The following TCF12 variants were observed in gnomAD, a reference collection of about 807,000 sequenced individuals.
TCF12 encodes the protein transcription factor 12.
Under a neutral mutation model 86.0 loss-of-function variants are expected in TCF12, and 45 were observed. The observed-to-expected ratio is 0.52, with a 90% CI of 0.41 to 0.67. TCF12 has a LOEUF of 0.67. TCF12 is among the 30% of genes least tolerant of loss of function. TCF12 has a pLI of 0.00. For synonymous variants in TCF12, 330 were observed against 299.6 expected (o/e 1.10, Z -1.05); for missense variants, 881 against 859.9 (o/e 1.02, Z -0.31).
chr15:57,205,540 G>A (rs1170536747), intron 8 of TCF12, among the ~76,000 whole-genome samples: 1 of 152,156 alleles, frequency 6.6e-6, no homozygotes. Context: ...GTTAGATGAG[G>A]TATCTCTATT....
At chr15:56,938,252 C>T (rs902681103) in intron 3 of TCF12, among the ~76,000 whole-genome samples, 1 of 151,776 alleles carries the variant, frequency 6.6e-6, no homozygotes, top group Non-Finnish European at 1.5e-5. Context: ...CCTCTGACTC[C>T]CTGGTTCAAG....
chr15:57,275,176 A>G (rs1230728615), intron 19 of TCF12, among the ~76,000 whole-genome samples: 2 of 152,184 alleles, frequency 1.3e-5, no homozygotes, highest in Non-Finnish European at 2.9e-5. Flanking sequence ...GACTGATGAG[A>G]GTTTGAACAG....
At chr15:56,971,514 C>G (rs1254080793) in intron 3 of TCF12, among the ~76,000 whole-genome samples, 1 of 152,058 alleles carries the variant, frequency 6.6e-6, no homozygotes, top group African/African-American at 2.4e-5. Context: ...CCCACCATGG[C>G]CTGAACTACT....
chr15:56,939,701 T>A (rs2060637861), intron 3 of TCF12, among the ~76,000 whole-genome samples: 2 of 151,472 alleles, frequency 1.3e-5, no homozygotes, highest in African/African-American at 4.8e-5. Context: ...GATTTCACAT[T>A]CCCCAAATTG....
chr15:57,129,374 A>C (rs1308711545), intron 5 of TCF12, among the ~76,000 whole-genome samples: 2 of 152,204 alleles, frequency 1.3e-5, no homozygotes, highest in Non-Finnish European at 2.9e-5. Context: ...CAGCCTGGGC[A>C]ACATTGCAAA....
rs1364049532 is a variant in TCF12, at chr15:57,071,993, T to C, written c.222+8170T>C. On this transcript the variant is annotated intron_variant, in intron 4 of 20. Transcript: ENST00000333725. The stretch of plus-strand genomic sequence containing the variant: ...AACATTTCTGTAGAAAAAAATGTTA[T>C]CTATTCTTTGGGAGCCAATTAAAAA... Among the ~76,000 whole-genome samples, 5 of 152,358 alleles carry C rather than the reference T, an allele frequency of 3.3e-5. No homozygotes were observed. The South Asian group carries it at 6.2e-4, about 19-fold the overall frequency.
At chr15:57,227,345 C>CT (rs2058938627) in intron 8 of TCF12, among the ~76,000 whole-genome samples, 1 of 151,958 alleles carries the variant, frequency 6.6e-6, no homozygotes, top group Non-Finnish European at 1.5e-5. Flanking sequence ...CAGCTCCAGC[C>CT]TCTAGAGCTG....
At chr15:57,190,271 C>A (rs1231663919) in intron 6 of TCF12, among the ~76,000 whole-genome samples, 1 of 152,134 alleles carries the variant, frequency 6.6e-6, no homozygotes, top group Admixed American at 6.5e-5. Context: ...AGCTCAAACA[C>A]CAAAGAAAAG....
chr15:57,219,433 G>A, intron 8 of TCF12: 7 of 1,510,106 alleles, frequency 4.6e-6, no homozygotes, highest in African/African-American at 2.7e-5. Context: ...GCATAGTACT[G>A]AAGACTTACT....
At chr15:56,994,868 GA>G (rs1197056482) in intron 3 of TCF12, among the ~76,000 whole-genome samples, 5 of 152,028 alleles carry the variant, frequency 3.3e-5, no homozygotes, top group African/African-American at 1.2e-4. Context: ...TTGACATTAG[GA>G]ATGAAAGAAG....
At chr15:57,263,933 A>C (rs371885672) in intron 18 of TCF12, among the ~76,000 whole-genome samples, 2 of 152,170 alleles carry the variant, frequency 1.3e-5, no homozygotes, top group East Asian at 3.9e-4. Flanking sequence ...GGGTGATTCA[A>C]TGAGCAGGTG....
intron 3 of TCF12, among the ~76,000 whole-genome samples, chr15:56,935,858 C>G (rs1243949155): frequency 6.6e-6 from 1 of 152,040 alleles, no homozygotes; most frequent in Non-Finnish European, 1.5e-5. Flanking sequence ...TATACAGATT[C>G]TATCATGTAT....
rs1257640285 is a variant in TCF12 at position 57,192,205 on chromosome 15, A to G, written c.438A>G (p.Leu146=). 5.6e-6 allele frequency: 9 copies of G among 1,613,976 alleles called. No homozygotes were observed. Among genetic ancestry groups the G allele is most frequent in the East Asian group, 2.2e-5 (1 of 44,892 alleles). The change falls in exon 7 of 21, where the codon CTA becomes CTG. Residue 146 remains leucine (L), a synonymous_variant. Coordinates refer to ENST00000333725, the MANE Select transcript of TCF12 (RefSeq NM_207037.2). ...TGGGGCTTGGGAGCCCAGCACAGCT[A>G]TCTTCTTCAGGAAAACCTGGGACAG... is the stretch of plus-strand genomic sequence containing the variant. ...QDLGLGSPAQ[L]SSSGKPGTAY...
intron 3 of TCF12, among the ~76,000 whole-genome samples, chr15:57,008,335 T>C (rs1352990571): frequency 6.6e-6 from 1 of 151,976 alleles, no homozygotes; most frequent in African/African-American, 2.4e-5. Context: ...ATTTGTGTTA[T>C]ATATGGTAAC....
intron 3 of TCF12, among the ~76,000 whole-genome samples, chr15:57,018,749 G>A (rs1006088361): frequency 6.6e-6 from 1 of 152,102 alleles, no homozygotes; most frequent in Admixed American, 6.6e-5. Flanking sequence ...GCCGGGGCCT[G>A]ATAATTTGAA....
intron 5 of TCF12, among the ~76,000 whole-genome samples, chr15:57,123,046 A>G (rs187594155): frequency 6.6e-6 from 1 of 152,210 alleles, no homozygotes; most frequent in East Asian, 1.9e-4. Context: ...ATAATTACCA[A>G]CATTGAAGCA....
At chr15:57,010,032 G>C (rs1938076360) in intron 3 of TCF12, among the ~76,000 whole-genome samples, 1 of 152,140 alleles carries the variant, frequency 6.6e-6, no homozygotes. Flanking sequence ...TTTATCCATT[G>C]TGAGTTTGGA....
At chr15:57,052,155 T>C (rs1349355337) in intron 3 of TCF12, among the ~76,000 whole-genome samples, 1 of 152,226 alleles carries the variant, frequency 6.6e-6, no homozygotes, top group Non-Finnish European at 1.5e-5. Flanking sequence ...CTCATACATA[T>C]AACAAATTTG....
intron 3 of TCF12, among the ~76,000 whole-genome samples, chr15:56,965,371 A>G (rs60219100): frequency 0.034 from 5,115 of 152,234 alleles, 326 homozygotes; most frequent in East Asian, 0.29. Flanking sequence ...GAGCAACACT[A>G]CTGTATGCAA....
Sources: allele counts gnomAD v4.1 joint callset (sites outside exome capture counted in the v4.1 genomes callset), GRCh38; gene constraint gnomAD v4.1.1; transcripts MANE v1.5; gene names NCBI Gene and HGNC (gene_info 2026-07-23, HGNC 2026-07-21).